MAST1: variants seen among roughly 807,000 people sequenced by gnomAD.
MAST1 encodes the protein microtubule-associated serine/threonine-protein kinase 1.
MAST1 carries 40 observed loss-of-function variants against 124.6 expected under a neutral mutation model. The observed-to-expected ratio is 0.32, with a 90% CI of 0.25 to 0.42. The LOEUF (loss-of-function observed/expected upper bound fraction) is 0.42, where lower values mean the gene tolerates loss of function less well. MAST1 is among the 10% of genes least tolerant of loss of function. The pLI is 1.00. For synonymous variants in MAST1, 938 were observed against 939.4 expected (o/e 1.00, Z 0.03); for missense variants, 1,558 against 2,181.9 (o/e 0.71, Z 5.70).
At chr19:12,856,743 TCTAA>T (rs1359789850) in intron 10 of MAST1, among the ~76,000 whole-genome samples, 1 of 152,250 alleles carries the variant, frequency 6.6e-6, no homozygotes, top group African/African-American at 2.4e-5. Context: ...TGTTTCTTTA[TCTAA>T]CTACCCCACA....
chr19:12,847,580 G>T lies in MAST1; in HGVS notation c.489-32G>T. On this transcript the variant is annotated intron_variant, in intron 5 of 25. Transcript: ENST00000251472. The surrounding 1 kb of genome is among the most constrained non-coding windows in gnomAD (Gnocchi z 5.5). The stretch of plus-strand genomic sequence containing the variant: ...GGCTCTCTGCGGGCTTGGAGGCAGA[G>T]GACTCGACAAAATGGGCTTCTCTCC... 6.2e-7 allele frequency: 1 copy of T among 1,613,976 alleles called. No homozygotes were observed. The highest frequency in any genetic ancestry group is 2.2e-5 in the East Asian group (1 of 44,866).
rs926783741 is a variant in MAST1 at position 12,853,864 on chromosome 19, T to A, written c.1077+1469T>A. On this transcript the variant is annotated intron_variant, in intron 10 of 25. Coordinates refer to ENST00000251472, the MANE Select transcript of MAST1 (RefSeq NM_014975.3). ...CAGCCTGGGCAACAGAGCGAGACTC[T>A]GTCTCAAAATAATAATAATAATAAT... Among the ~76,000 whole-genome samples, 4 of 119,356 alleles carry A rather than the reference T, an allele frequency of 3.4e-5. No homozygotes were observed. The East Asian group carries it at 1.0e-3, about 30-fold the overall frequency. The allele number at this position is 119,356 out of a possible 152,430, so 78.3% of individuals were successfully genotyped here.
intron 12 of MAST1, 24 bp from the exon 13 acceptor site, chr19:12,864,785 G>T (rs2242512): frequency 1.9e-6 from 3 of 1,612,156 alleles, no homozygotes; most frequent in African/African-American, 1.3e-5. Flanking sequence ...CCCTTTTTAT[G>T]CGGGCCCATT....
In MAST1 at chr19:12,847,370, C is replaced by T. The variant is rs1385733954; in HGVS notation, c.408C>T (p.His136=). The T allele has an allele frequency of 6.2e-7, 1 of 1,613,766 alleles. No individual in the cohort carries two copies. Among genetic ancestry groups the T allele is most frequent in the East Asian group, 2.2e-5 (1 of 44,856 alleles). The part of the protein sequence containing the change: ...TVDELHFLSK[H]FGSTESITDE... ...ACGAGCTCCACTTCCTCTCCAAACA[C>T]TTCGGGAGCACCGAGAGCATCACAG... The change falls in exon 5 of 26, where the codon CAC becomes CAT. Residue 136 remains histidine, a synonymous_variant. Transcript: ENST00000251472. This position sits in a 1 kb window ranked among gnomAD's most constrained non-coding sequence, Gnocchi z 5.5.
intron 7 of MAST1, 94 bp downstream of exon 7, chr19:12,848,151 G>A: frequency 1.7e-6 from 2 of 1,196,886 alleles, no homozygotes; most frequent in Non-Finnish European, 2.4e-6. Flanking sequence ...CATTCAGGGA[G>A]CTCCTACCAC....
intron 24 of MAST1, among the ~76,000 whole-genome samples, chr19:12,871,461 G>T (rs2242513): frequency 0.34 from 51,586 of 151,800 alleles, 9,325 homozygotes; most frequent in East Asian, 0.62. Context: ...ACAAAAATTA[G>T]CCTGGCATGG....
chr19:12,864,740 G>T, intron 12 of MAST1, 69 bp from the exon 13 acceptor site: 2 of 1,581,648 alleles, frequency 1.3e-6, no homozygotes, highest in Non-Finnish European at 8.6e-7. Context: ...ATGAGAAGTT[G>T]GTGCTATGGT....
intron 4 of MAST1, among the ~76,000 whole-genome samples, chr19:12,846,631 C>G (rs1969897298): frequency 6.6e-6 from 1 of 151,896 alleles, no homozygotes; most frequent in African/African-American, 2.4e-5. Context: ...AATCTCAGCA[C>G]TTTGGGAGGC....
chr19:12,846,174 C>T (rs1039504924), intron 4 of MAST1, among the ~76,000 whole-genome samples: 2 of 152,060 alleles, frequency 1.3e-5, no homozygotes, highest in Non-Finnish European at 2.9e-5. Context: ...ATCCCTCTAG[C>T]CTGGGTGACA....
Position 12,866,178 on chromosome 19 carries a change from T to G in MAST1, c.2029+76T>G, listed in dbSNP as rs1272644241. 6.9e-7 allele frequency: 1 copy of G among 1,439,662 alleles called. No individual in the cohort carries two copies. Among genetic ancestry groups the G allele is most frequent in the African/African-American group, 1.6e-5 (1 of 62,152 alleles). The allele number at this position is 1,439,662 out of a possible 1,614,324, so 89.2% of individuals were successfully genotyped here. A position where few individuals can be genotyped will look rare whatever the true frequency, so the allele number is the denominator to read the frequency against. On this transcript the variant is annotated intron_variant, in intron 17 of 25. Coordinates refer to ENST00000251472, the MANE Select transcript of MAST1 (RefSeq NM_014975.3). This position sits in a 1 kb window ranked among gnomAD's most constrained non-coding sequence, Gnocchi z 5.2. The stretch of plus-strand genomic sequence containing the variant: ...GAGGGACCCTGGGGTAAGTAAAGCC[T>G]GGGATAGGGCCTGGCTAAGTACCAA...
At chr19:12,855,940 A>ATTT (rs34217759) in intron 10 of MAST1, among the ~76,000 whole-genome samples, 6 of 137,878 alleles carry the variant, frequency 4.4e-5, no homozygotes, top group Admixed American at 3.7e-4. Context: ...AATTCTGTCA[A>ATTT]TTTTTTTTTT....
chr19:12,872,810 C>G lies in MAST1; in HGVS notation c.3264-514C>G, dbSNP rs115040822. On this transcript the variant is annotated intron_variant, in intron 24 of 25. Transcript: ENST00000251472. ...CAGGAGGCTACTCACGAAGCTGAAGCACGGTAATCGCTTGAACCCGGGAGG... is the reference window on the plus strand; with the variant it reads ...CAGGAGGCTACTCACGAAGCTGAAGGACGGTAATCGCTTGAACCCGGGAGG... The G allele has an allele frequency of 6.8e-3, 1,059 of 156,510 alleles. 8 individuals are homozygous for G. Among genetic ancestry groups the G allele is most frequent in the African/African-American group, 0.025 (1,013 of 41,342 alleles). 9.7% of individuals were successfully genotyped at this position (156,510 alleles called of 1,614,324 possible).
rs1454048598 is a variant in MAST1 at position 12,855,056 on chromosome 19, C to A, written c.1077+2661C>A. ...GACCAGCCTGGCCAACATGGTGAAA[C>A]CCTGTCTCTACTAAAAAAATACATA... On this transcript the variant is annotated intron_variant, in intron 10 of 25. Coordinates refer to ENST00000251472, the MANE Select transcript of MAST1 (RefSeq NM_014975.3). 9.2e-5 allele frequency among the ~76,000 whole-genome samples: 14 copies of A among 151,968 alleles called. No individual in the cohort carries two copies. The East Asian group carries it at 1.7e-3, about 19-fold the overall frequency.
chr19:12,852,234 T>C lies in MAST1; in HGVS notation c.996T>C (p.Arg332=), dbSNP rs1969970392. ...TCATCCGCCAGCTGGGCCTCACCCG[T>C]GACCCCTTTCCAGGTGCCGGCTGGT... is the stretch of plus-strand genomic sequence containing the variant. ...RYIIRQLGLT[R]DPFPDVVHLE... is the part of the protein sequence containing the mutation. The change falls in exon 9 of 26, where the codon CGT becomes CGC. Residue 332 remains arginine (R), a synonymous_variant. Transcript: ENST00000251472. 3 of 1,613,956 alleles carry C rather than the reference T, an allele frequency of 1.9e-6. No homozygotes were observed. The highest frequency in any genetic ancestry group is 1.7e-5 in the Admixed American group (1 of 60,000).
At chr19:12,846,994 G>A (rs993998140) in intron 4 of MAST1, among the ~76,000 whole-genome samples, 2 of 152,100 alleles carry the variant, frequency 1.3e-5, no homozygotes, top group African/African-American at 4.8e-5. Context: ...GTATAACTGG[G>A]GAAGGACTTG....
chr19:12,869,623 A>G lies in MAST1; in HGVS notation c.3003+328A>G, dbSNP rs533087439. 3.8e-3 allele frequency among the ~76,000 whole-genome samples: 576 copies of G among 151,986 alleles called. 3 individuals carry two copies. The highest frequency in any genetic ancestry group is 4.8e-3 in the Non-Finnish European group (328 of 67,980). ...CAGCTAATTTTTGTATTTTTAGTAG[A>G]GACGGGGTTTCACCATGTTGGCTAG... is the stretch of plus-strand genomic sequence containing the variant. On this transcript the variant is annotated intron_variant, in intron 22 of 25. Coordinates refer to ENST00000251472, the MANE Select transcript of MAST1 (RefSeq NM_014975.3).
rs753895561 is a variant in MAST1 at position 12,865,497 on chromosome 19, G to T, written c.1804+16G>T. 6.4e-7 allele frequency: 1 copy of T among 1,565,308 alleles called. No homozygotes were observed. The highest frequency in any genetic ancestry group is 1.2e-5 in the South Asian group (1 of 81,816). ...GTCATCAGTGGTACGTGGCTTGGCA[G>T]TGTACAGGGGCAGAGTGTGGTGTGC... On this transcript the variant is annotated intron_variant, in intron 15 of 25. Transcript: ENST00000251472. This position sits in a 1 kb window ranked among gnomAD's most constrained non-coding sequence, Gnocchi z 7.1.
chr19:12,847,784 G>GCA lies in MAST1; in HGVS notation c.565-63_565-62dup. The GCA allele has an allele frequency of 6.3e-7, 1 of 1,580,518 alleles. No individual in the cohort carries two copies. Among genetic ancestry groups the GCA allele is most frequent in the South Asian group, 1.1e-5 (1 of 89,168 alleles). ...CCCCCTGGCGGCCTCGGTGCGCAGC[G>GCA]CAGGCTCCTGGCGGCCGCAGCCTTC... On this transcript the variant is annotated intron_variant, in intron 6 of 25. Transcript: ENST00000251472. The surrounding 1 kb of genome is among the most constrained non-coding windows in gnomAD (Gnocchi z 5.5).
At chr19:12,849,133 G>T (rs887300292) in intron 7 of MAST1, among the ~76,000 whole-genome samples, 1 of 152,024 alleles carries the variant, frequency 6.6e-6, no homozygotes, top group African/African-American at 2.4e-5. Context: ...TGGTGAGGGT[G>T]GGGGGGTGGA....
Sources: gnomAD v4.1 joint callset for allele counts (sites outside exome capture counted in the v4.1 genomes callset) on GRCh38, gnomAD v4.1.1 for gene constraint, Gnocchi (gnomAD v3.1) non-coding constraint, MANE v1.5 for transcripts, NCBI Gene and HGNC (gene_info 2026-07-23, HGNC 2026-07-21) for gene names.